The following PKM variants were observed in gnomAD, a reference collection of about 807,000 sequenced individuals.
The protein encoded by PKM is pyruvate kinase M1/2.
A neutral mutation model predicts 49.8 loss-of-function variants in PKM; 18 were observed. The observed-to-expected ratio is 0.36, with a 90% CI of 0.25 to 0.54. The LOEUF is 0.54. Ranked by LOEUF, PKM falls within the 20% of genes least tolerant of loss-of-function variation. PKM has a pLI of 0.89. For synonymous variants in PKM, 239 were observed against 261.8 expected (o/e 0.91, Z 0.84); for missense variants, 508 against 713.8 (o/e 0.71, Z 3.28).
At chr15:72,223,178 C>A (rs1172884438) in intron 1 of PKM, among the ~76,000 whole-genome samples, 2 of 151,980 alleles carry the variant, frequency 1.3e-5, no homozygotes, top group Non-Finnish European at 2.9e-5. Context: ...ACACCCAACT[C>A]CCATGCTCCA....
intron 9 of PKM, chr15:72,201,697 GGCATCTGCACAGA>G (rs1408776098): frequency 6.6e-6 from 1 of 152,522 alleles, no homozygotes; most frequent in Non-Finnish European, 1.5e-5. Flanking sequence ...CTCTGCTGAG[GGCATCTGCACAGA>G]GCTTGTGTCC....
rs8192351 is a variant in PKM at position 72,230,979 on chromosome 15, C to T, written c.-14+137G>A. 3,572 of 1,283,584 alleles carry T rather than the reference C, an allele frequency of 2.8e-3. 7 individuals carry two copies. The highest frequency in any genetic ancestry group is 3.5e-3 in the Non-Finnish European group (3,402 of 984,990). 79.5% of individuals were successfully genotyped at this position (1,283,584 alleles called of 1,614,324 possible). A position where few individuals can be genotyped will look rare whatever the true frequency, so the allele number is the denominator to read the frequency against. On this transcript the variant is annotated intron_variant, in intron 1 of 10. Coordinates refer to ENST00000335181, the MANE Select transcript of PKM (RefSeq NM_002654.6). ...GGAGCCGTTCTCCTCTCTCTGAGCT[C>T]CACTGCATCCCAGACGCCCTGGATC...
At position 72,205,331 on chromosome 15, in the gene PKM, C is replaced by T. The variant is rs1740126191; in HGVS notation, c.1140+1397G>A. 2.0e-5 allele frequency among the ~76,000 whole-genome samples: 3 copies of T among 152,112 alleles called. No homozygotes were observed. The South Asian group carries it at 6.2e-4, about 31-fold the overall frequency. ...GTAGAGACAGGGTTTCACCAGGTTGCCCAGGCTGGTCTTCTGAGCTCAAGC... is the reference window on the plus strand; with the variant it reads ...GTAGAGACAGGGTTTCACCAGGTTGTCCAGGCTGGTCTTCTGAGCTCAAGC... On this transcript the variant is annotated intron_variant, in intron 8 of 10. Transcript: ENST00000335181.
chr15:72,210,886 T>G (rs1054819967), intron 3 of PKM, among the ~76,000 whole-genome samples: 1 of 152,194 alleles, frequency 6.6e-6, no homozygotes, highest in Non-Finnish European at 1.5e-5. Flanking sequence ...CTAGGACTTG[T>G]GTTTGGATAA....
intron 3 of PKM, among the ~76,000 whole-genome samples, chr15:72,216,966 G>A (rs1202216220): frequency 6.6e-6 from 1 of 152,180 alleles, no homozygotes. Flanking sequence ...TAGAATAGTG[G>A]AAACCGTTCT....
Position 72,202,562 on chromosome 15 carries a change from C to A in PKM, c.1199G>T (p.Arg400Leu), listed in dbSNP as rs369997463. 8 of 1,613,356 alleles carry A rather than the reference C, an allele frequency of 5.0e-6. No individual in the cohort carries two copies. Among genetic ancestry groups the A allele is most frequent in the African/African-American group, 2.7e-5 (2 of 74,938 alleles). The stretch of plus-strand genomic sequence containing the variant: ...GGGGTCGCTGGTAATGGGCGCCAGG[C>A]GGCGGAGTTCCTCAAATAATTGCAA... ...YHLQLFEELR[R>L]LAPITSDPTE... The change falls in exon 9 of 11, where the codon CGC becomes CTC. Residue 400 changes from arginine (R) to leucine (L), a missense_variant. By Grantham distance (102) the Arg-to-Leu change is moderately radical. Coordinates refer to ENST00000335181, the MANE Select transcript of PKM (RefSeq NM_002654.6). This position sits in a 1 kb window ranked among gnomAD's most constrained non-coding sequence, Gnocchi z 4.5.
At chr15:72,209,413 A>ATG (rs1371802830) in intron 5 of PKM, 1 of 24,912 alleles carries the variant, frequency 4.0e-5, no homozygotes, top group African/African-American at 1.0e-4. Flanking sequence ...ATATATATAT[A>ATG]TATATATATA....
intron 8 of PKM, among the ~76,000 whole-genome samples, chr15:72,205,833 C>T (rs904043640): frequency 6.6e-6 from 1 of 152,068 alleles, no homozygotes; most frequent in African/African-American, 2.4e-5. Flanking sequence ...ATTTCCAGCA[C>T]TCATTTTACC....
intron 6 of PKM, 125 bp from the exon 7 acceptor site, chr15:72,207,402 T>G: frequency 3.5e-6 from 3 of 865,536 alleles, no homozygotes; most frequent in Non-Finnish European, 5.8e-6. Flanking sequence ...ACATCCATGA[T>G]ATCATCATGG....
chr15:72,224,360 G>A (rs2140790132), intron 1 of PKM, among the ~76,000 whole-genome samples: 2 of 152,268 alleles, frequency 1.3e-5, no homozygotes, highest in Middle Eastern at 3.4e-3. Context: ...AGCAAAGTGA[G>A]GCACTGGCTC....
At chr15:72,206,933 A>G in intron 7 of PKM, 53 bp from the exon 8 acceptor site, 2 of 1,596,020 alleles carry the variant, frequency 1.3e-6, no homozygotes, top group Non-Finnish European at 1.7e-6. Context: ...CTTCAGAGAC[A>G]AATGACAGCA....
At chr15:72,206,256 G>C (rs916064845) in intron 8 of PKM, 1 of 180,354 alleles carries the variant, frequency 5.5e-6, no homozygotes, top group Non-Finnish European at 1.2e-5. Context: ...GGGAGCGCCT[G>C]TCTGCAGGAT....
chr15:72,217,750 G>A (rs1257167337), intron 2 of PKM, among the ~76,000 whole-genome samples: 1 of 152,122 alleles, frequency 6.6e-6, no homozygotes, highest in Non-Finnish European at 1.5e-5. Context: ...GTTAAGACTT[G>A]GCCAGCCTTC....
chr15:72,229,234 T>C (rs2082773584), intron 1 of PKM, among the ~76,000 whole-genome samples: 1 of 152,212 alleles, frequency 6.6e-6, no homozygotes, highest in African/African-American at 2.4e-5. Flanking sequence ...CACAGGCTTT[T>C]CTTCTGGGTA....
At chr15:72,228,041 G>A (rs8192359) in intron 1 of PKM, among the ~76,000 whole-genome samples, 2,037 of 152,264 alleles carry the variant, frequency 0.013, 21 homozygotes, top group East Asian at 0.028. Flanking sequence ...CTGGGGGTAC[G>A]GTTCTTAAAG....
rs567479852 is a variant in PKM, at chr15:72,223,518, C to T, written c.-13-4408G>A. Among the ~76,000 whole-genome samples, 395 of 152,104 alleles carry T rather than the reference C, an allele frequency of 2.6e-3. 1 individual carries two copies. Among genetic ancestry groups the T allele is most frequent in the Non-Finnish European group, 4.6e-3 (314 of 68,028 alleles). On this transcript the variant is annotated intron_variant, in intron 1 of 10. Transcript: ENST00000335181. ...AAGGCGTTTCGATCCACAACTCTTC[C>T]GAACACCTGCATCCGTTAGAAAGTC...
At chr15:72,203,716 C>T (rs1400440712) in intron 8 of PKM, 1 of 164,006 alleles carries the variant, frequency 6.1e-6, no homozygotes, top group Non-Finnish European at 1.3e-5. Flanking sequence ...TTGAGCAGCG[C>T]TGGAAAGCTG....
intron 3 of PKM, among the ~76,000 whole-genome samples, chr15:72,214,425 C>T (rs1255387278): frequency 6.6e-6 from 1 of 152,146 alleles, no homozygotes; most frequent in East Asian, 1.9e-4. Context: ...TCAGCTGTGG[C>T]TTTATTGGGA....
intron 1 of PKM, among the ~76,000 whole-genome samples, chr15:72,230,613 G>C (rs1181594930): frequency 6.6e-6 from 1 of 152,154 alleles, no homozygotes; most frequent in African/African-American, 2.4e-5. Context: ...GGACGCGGGA[G>C]GGGAACCAGA....
Sources: allele counts gnomAD v4.1 joint callset (sites outside exome capture counted in the v4.1 genomes callset), GRCh38; gene constraint gnomAD v4.1.1; non-coding constraint Gnocchi (gnomAD v3.1); transcripts MANE v1.5; gene names NCBI Gene and HGNC (gene_info 2026-07-23, HGNC 2026-07-21).